KIAA1671: variants seen among roughly 807,000 people sequenced by gnomAD.
KIAA1671 encodes KIAA1671, also known as uncharacterized protein KIAA1671.
KIAA1671 carries 52 observed loss-of-function variants against 131.2 expected under a neutral mutation model. The observed-to-expected ratio is 0.40, with a 90% CI of 0.32 to 0.50. The LOEUF is 0.50. Among genes scored for constraint, KIAA1671 ranks in the 20% least tolerant of loss-of-function variants. The probability of loss-of-function intolerance (pLI) is 0.73; values close to 1 mark genes in which losing one functional copy is unlikely to be tolerated. For missense variants in KIAA1671, 2,360 were observed against 2,364.2 expected (o/e 1.00, Z 0.04); for synonymous variants, 1,003 against 961.6 (o/e 1.04, Z -0.80).
intron 1 of KIAA1671, among the ~76,000 whole-genome samples, chr22:24,961,555 A>G (rs922197735): frequency 6.6e-6 from 1 of 152,230 alleles, no homozygotes; most frequent in Non-Finnish European, 1.5e-5. Flanking sequence ...GATTGGGTTC[A>G]GGTCTGGCTC....
Position 25,029,273 on chromosome 22 carries a change from C to T in KIAA1671, c.1274C>T (p.Ala425Val). The T allele has an allele frequency of 1.3e-6, 2 of 1,503,822 alleles. No homozygotes were observed. Among genetic ancestry groups the T allele is most frequent in the African/African-American group, 2.8e-5 (2 of 72,314 alleles). The allele number at this position is 1,503,822 out of a possible 1,614,324, so 93.2% of individuals were successfully genotyped here. Residue 425 changes from alanine to valine, a missense_variant, in exon 3 of 13, where the codon GCC becomes GTC. Coordinates refer to ENST00000358431, the MANE Select transcript of KIAA1671 (RefSeq NM_001145206.2). ...EVKSRVADGEAAAGGEWASRR... is the reference protein window; with the variant it reads ...EVKSRVADGEVAAGGEWASRR... ...AAGAGCAGAGTGGCGGATGGGGAGG[C>T]CGCGGCAGGGGGAGAGTGGGCCTCC...
intron 5 of KIAA1671, 172 bp from the exon 6 acceptor site, chr22:25,049,058 C>G (rs1927392900): frequency 7.7e-6 from 6 of 780,630 alleles, no homozygotes; most frequent in Non-Finnish European, 1.2e-5. Context: ...GCCACTGGAA[C>G]CCAGAGCTAC....
At chr22:25,022,392 C>T (rs1925722485) in intron 1 of KIAA1671, among the ~76,000 whole-genome samples, 1 of 152,208 alleles carries the variant, frequency 6.6e-6, no homozygotes, top group Non-Finnish European at 1.5e-5. Flanking sequence ...TGTGAGGCTT[C>T]AAGCTCAGTG....
At chr22:25,067,449 C>G (rs534007574) in intron 6 of KIAA1671, among the ~76,000 whole-genome samples, 2 of 152,196 alleles carry the variant, frequency 1.3e-5, no homozygotes, top group South Asian at 2.1e-4. Flanking sequence ...GCCTGTCGCT[C>G]TCCCATCAGA....
At chr22:24,991,023 T>C (rs1304656141) in intron 1 of KIAA1671, among the ~76,000 whole-genome samples, 1 of 152,028 alleles carries the variant, frequency 6.6e-6, no homozygotes, top group African/African-American at 2.4e-5. Flanking sequence ...TCTTCTTTAA[T>C]TTTATTTTTA....
rs557868773 is a variant in KIAA1671 at position 25,195,310 on chromosome 22, C to T, written c.*2909C>T. 6.6e-6 allele frequency: 1 copy of T among 152,136 alleles called. No homozygotes were observed. Among genetic ancestry groups the T allele is most frequent in the African/African-American group, 2.4e-5 (1 of 41,424 alleles). The allele number at this position is 152,136 out of a possible 1,614,324, so 9.4% of individuals were successfully genotyped here. A position where few individuals can be genotyped will look rare whatever the true frequency, so the allele number is the denominator to read the frequency against. On this transcript the variant is annotated 3_prime_UTR_variant, in exon 13 of 13. Coordinates refer to ENST00000358431, the MANE Select transcript of KIAA1671 (RefSeq NM_001145206.2). ...GGTCCTTTGCCTAATCAAACAGAGGCTTTTGGCCTTTGAAAATCCATGACA... is the reference window on the plus strand; with the variant it reads ...GGTCCTTTGCCTAATCAAACAGAGGTTTTTGGCCTTTGAAAATCCATGACA...
At chr22:25,123,977 G>A (rs928696332) in intron 6 of KIAA1671, among the ~76,000 whole-genome samples, 2 of 152,316 alleles carry the variant, frequency 1.3e-5, no homozygotes, top group East Asian at 3.9e-4. Flanking sequence ...AGTAAATTGA[G>A]GTGGGAAGAC....
At chr22:24,989,571 C>A (rs1923728582) in intron 1 of KIAA1671, among the ~76,000 whole-genome samples, 1 of 152,094 alleles carries the variant, frequency 6.6e-6, no homozygotes, top group South Asian at 2.1e-4. Flanking sequence ...AACTCCTAAG[C>A]CCTGGGAATT....
intron 6 of KIAA1671, among the ~76,000 whole-genome samples, chr22:25,101,634 G>C (rs2145896903): frequency 6.6e-6 from 1 of 152,302 alleles, no homozygotes; most frequent in Non-Finnish European, 1.5e-5. Context: ...GGATTGACTT[G>C]TAAAATCAAG....
rs1926105346 is a variant in KIAA1671 at position 25,028,773 on chromosome 22, C to G, written c.774C>G (p.Pro258=). The G allele has an allele frequency of 1.3e-6, 2 of 1,551,122 alleles. No homozygotes were observed. Among genetic ancestry groups the G allele is most frequent in the Non-Finnish European group, 1.7e-6 (2 of 1,147,020 alleles). The change falls in exon 3 of 13, where the codon CCC becomes CCG. Residue 258 remains proline (P), a synonymous_variant. Coordinates refer to ENST00000358431, the MANE Select transcript of KIAA1671 (RefSeq NM_001145206.2). ...CCATTCAGCCTCAGAAGCCAGGCCC[C>G]GGCGCAGCGGCCACAGTGGGCAAAG... ...TESIQPQKPG[P]GAAATVGKVP...
chr22:25,163,037 A>T (rs563849643), intron 6 of KIAA1671, among the ~76,000 whole-genome samples: 24 of 152,150 alleles, frequency 1.6e-4, no homozygotes, highest in African/African-American at 2.6e-4. Context: ...CCTTAAAAAA[A>T]TTTTTTTTGG....
chr22:25,143,862 T>G (rs1165190689), intron 6 of KIAA1671, among the ~76,000 whole-genome samples: 2 of 152,106 alleles, frequency 1.3e-5, no homozygotes, highest in African/African-American at 4.8e-5. Flanking sequence ...GAACCTTTGT[T>G]GCCTTGTCTG....
chr22:25,065,449 A>G (rs1397005510), intron 6 of KIAA1671, among the ~76,000 whole-genome samples: 1 of 152,054 alleles, frequency 6.6e-6, no homozygotes, highest in African/African-American at 2.4e-5. Context: ...AATGCGGGCC[A>G]CTTCTCACAG....
chr22:25,006,740 C>T lies in KIAA1671; in HGVS notation c.-207-18893C>T, dbSNP rs564982954. On this transcript the variant is annotated intron_variant, in intron 1 of 12. Transcript: ENST00000358431. ...TCCATTTCCTTGCCTTTTCTGTTTT[C>T]TAGAGGCTGCTTCATTCCTTGGGTT... 4.6e-5 allele frequency among the ~76,000 whole-genome samples: 7 copies of T among 152,268 alleles called. No individual in the cohort carries two copies. In the East Asian group the frequency reaches 1.4e-3, roughly 29 times the overall value.
chr22:25,042,024 G>A lies in KIAA1671; in HGVS notation c.4395+499G>A, dbSNP rs532350426. 5.3e-5 allele frequency among the ~76,000 whole-genome samples: 8 copies of A among 152,268 alleles called. No individual in the cohort carries two copies. The South Asian group carries it at 1.0e-3, about 20-fold the overall frequency. ...CTCCCAAAGTGCTGGGATGACAGGC[G>A]TGTGCCACCATGCCTGGCCCAGCTG... is the stretch of plus-strand genomic sequence containing the variant. On this transcript the variant is annotated intron_variant, in intron 5 of 12. Coordinates refer to ENST00000358431, the MANE Select transcript of KIAA1671 (RefSeq NM_001145206.2).
At chr22:25,065,624 A>T (rs1011193499) in intron 6 of KIAA1671, among the ~76,000 whole-genome samples, 23 of 151,986 alleles carry the variant, frequency 1.5e-4, no homozygotes, top group African/African-American at 5.5e-4. Flanking sequence ...AACTTTTTTT[A>T]AAGAATTATT....
intron 6 of KIAA1671, chr22:25,058,713 G>C (rs1251234270): frequency 6.6e-6 from 1 of 152,170 alleles, no homozygotes; most frequent in Non-Finnish European, 1.5e-5. Flanking sequence ...GGTGTAACAG[G>C]GTCATGGATT....
At chr22:24,986,690 CCCAT>C (rs1170502255) in intron 1 of KIAA1671, among the ~76,000 whole-genome samples, 3 of 135,572 alleles carry the variant, frequency 2.2e-5, no homozygotes, top group African/African-American at 5.5e-5. Context: ...CATCCACCCA[CCCAT>C]CCATCCATCC....
At chr22:25,175,299 A>T (rs1933983721) in intron 8 of KIAA1671, 1 of 151,846 alleles carries the variant, frequency 6.6e-6, no homozygotes, top group Non-Finnish European at 1.5e-5. Flanking sequence ...TGTGAAAGGG[A>T]CCCTCTCTCC....
Sources: gnomAD v4.1 joint callset for allele counts (sites outside exome capture counted in the v4.1 genomes callset) on GRCh38, gnomAD v4.1.1 for gene constraint, MANE v1.5 for transcripts, NCBI Gene and HGNC (gene_info 2026-07-23, HGNC 2026-07-21) for gene names.